The following ELOVL7 variants were observed in gnomAD, a reference collection of about 807,000 sequenced individuals.
The protein encoded by ELOVL7 is ELOVL fatty acid elongase 7, also known as very long chain fatty acid elongase 7.
A neutral mutation model predicts 35.7 loss-of-function variants in ELOVL7; 27 were observed. That is an observed-to-expected ratio of 0.76 (90% confidence interval 0.56 to 1.04). The LOEUF is 1.04. ELOVL7 is among the 50% of genes least tolerant of loss of function. ELOVL7 has a pLI of 0.00. For missense variants in ELOVL7, 327 were observed against 340.8 expected, an observed-to-expected ratio of 0.96 and a Z score of 0.32; for synonymous variants, 113 against 114.6, an observed-to-expected ratio of 0.99 and a Z score of 0.09.
chr5:60,800,515 A>C (rs1007058301), intron 1 of ELOVL7, among the ~76,000 whole-genome samples: 1 of 152,208 alleles, frequency 6.6e-6, no homozygotes, highest in Non-Finnish European at 1.5e-5. Flanking sequence ...CTAACATAAT[A>C]CTCAGCAGTA....
At chr5:60,776,272 C>G (rs1297498012) in intron 3 of ELOVL7, among the ~76,000 whole-genome samples, 1 of 152,184 alleles carries the variant, frequency 6.6e-6, no homozygotes, top group African/African-American at 2.4e-5. Context: ...TGCTTATACA[C>G]TGTTGGTGGA....
chr5:60,753,391 T>TA lies in ELOVL7; in HGVS notation c.*1232dup, dbSNP rs1323354055. 4 of 152,210 alleles carry TA rather than the reference T, an allele frequency of 2.6e-5. No individual in the cohort carries two copies. The highest frequency in any genetic ancestry group is 5.9e-5 in the Non-Finnish European group (4 of 68,032). The allele number at this position is 152,210 out of a possible 1,614,324, so 9.4% of individuals were successfully genotyped here. ...TTTCAGTCCTTCATTACATGGTTTA[T>TA]AGGTCTGGAAACAGAAATCCAGGTT... is the stretch of plus-strand genomic sequence containing the variant. On this transcript the variant is annotated 3_prime_UTR_variant, in exon 9 of 9. Transcript: ENST00000508821.
chr5:60,819,420 G>A (rs1324800105), intron 1 of ELOVL7, among the ~76,000 whole-genome samples: 1 of 152,048 alleles, frequency 6.6e-6, no homozygotes, highest in East Asian at 1.9e-4. Context: ...ATCTGACACT[G>A]GGCAAATTCA....
At chr5:60,759,613 T>TA (rs1194100662) in intron 7 of ELOVL7, among the ~76,000 whole-genome samples, 1 of 151,780 alleles carries the variant, frequency 6.6e-6, no homozygotes, top group South Asian at 2.1e-4. Context: ...ATTTTCTTTT[T>TA]TTTTTTAATT....
At chr5:60,780,084 A>C (rs1264320447) in intron 3 of ELOVL7, among the ~76,000 whole-genome samples, 1 of 150,742 alleles carries the variant, frequency 6.6e-6, no homozygotes, top group Admixed American at 6.6e-5. Flanking sequence ...AAAGTTATTC[A>C]ACAAGTCTCT....
At chr5:60,755,692 G>C (rs923964481) in intron 8 of ELOVL7, among the ~76,000 whole-genome samples, 1 of 152,012 alleles carries the variant, frequency 6.6e-6, no homozygotes, top group Admixed American at 6.6e-5. Flanking sequence ...AACTGAGGCA[G>C]AGAATCTACG....
At chr5:60,834,882 T>G (rs866376259) in intron 1 of ELOVL7, among the ~76,000 whole-genome samples, 26 of 151,754 alleles carry the variant, frequency 1.7e-4, no homozygotes, top group African/African-American at 5.8e-4. Flanking sequence ...AGGCATTAAT[T>G]CTCCAATTTT....
At chr5:60,805,134 C>T (rs953344923) in intron 1 of ELOVL7, among the ~76,000 whole-genome samples, 1 of 152,056 alleles carries the variant, frequency 6.6e-6, no homozygotes, top group Non-Finnish European at 1.5e-5. Flanking sequence ...TTCAACAGGG[C>T]AAAAATGTGC....
intron 1 of ELOVL7, among the ~76,000 whole-genome samples, chr5:60,837,225 G>A (rs888511453): frequency 6.7e-6 from 1 of 148,832 alleles, no homozygotes; most frequent in Non-Finnish European, 1.5e-5. Flanking sequence ...CCTGAGGTCG[G>A]GAGTCGAGAC....
intron 1 of ELOVL7, among the ~76,000 whole-genome samples, chr5:60,807,193 AC>A (rs1452743449): frequency 6.6e-6 from 1 of 152,134 alleles, no homozygotes; most frequent in African/African-American, 2.4e-5. Flanking sequence ...GGTGAATGGT[AC>A]AACAGGATTG....
rs192633968 is a variant in ELOVL7 at position 60,767,358 on chromosome 5, C to T, written c.336+465G>A. On this transcript the variant is annotated intron_variant, in intron 5 of 8. Coordinates refer to ENST00000508821, the MANE Select transcript of ELOVL7 (RefSeq NM_024930.3). The stretch of plus-strand genomic sequence containing the variant: ...ATCCACCCGCCTCAGCCTCCCAAAG[C>T]GCTAGGATTACAAGCGTAAGCCACT... Among the ~76,000 whole-genome samples the T allele has an allele frequency of 2.5e-3, 380 of 152,196 alleles. 3 individuals carry two copies. The highest frequency in any genetic ancestry group is 7.1e-3 in the African/African-American group (296 of 41,538).
intron 1 of ELOVL7, among the ~76,000 whole-genome samples, chr5:60,817,721 T>C (rs948575383): frequency 2.7e-5 from 2 of 74,356 alleles, no homozygotes; most frequent in Admixed American, 1.5e-4. Flanking sequence ...TATACACATA[T>C]GTATATACCA....
intron 1 of ELOVL7, among the ~76,000 whole-genome samples, chr5:60,828,574 T>C (rs375739690): frequency 6.6e-6 from 1 of 152,128 alleles, no homozygotes; most frequent in African/African-American, 2.4e-5. Flanking sequence ...CAGATCATAC[T>C]TTTTCCCTGC....
At chr5:60,790,548 T>C (rs754981306) in intron 2 of ELOVL7, among the ~76,000 whole-genome samples, 1 of 152,212 alleles carries the variant, frequency 6.6e-6, no homozygotes, top group African/African-American at 2.4e-5. Context: ...GGCCTCTGTA[T>C]TGATACACCC....
chr5:60,781,743 T>G (rs1301292475), intron 3 of ELOVL7, among the ~76,000 whole-genome samples: 1 of 152,216 alleles, frequency 6.6e-6, no homozygotes, highest in Admixed American at 6.5e-5. Flanking sequence ...AAATTCTATT[T>G]CAGCAAAACT....
chr5:60,804,406 C>T (rs1053831779), intron 1 of ELOVL7, among the ~76,000 whole-genome samples: 2 of 152,016 alleles, frequency 1.3e-5, no homozygotes, highest in African/African-American at 4.8e-5. Context: ...GTTGCCATCA[C>T]GTATAAGCTC....
At position 60,772,108 on chromosome 5, in the gene ELOVL7, A is replaced by G. The variant is rs750037066; in HGVS notation, c.65-15T>C. ...AACTCTTGGATCTAAGAGAAAAACA[A>G]TATGTGAGTACACACCTGCTTAGCC... On this transcript the variant is annotated splice_polypyrimidine_tract_variant and intron_variant, in intron 3 of 8. Transcript: ENST00000508821. 1 of 1,581,792 alleles carries G rather than the reference A, an allele frequency of 6.3e-7. No homozygotes were observed. The highest frequency in any genetic ancestry group is 8.6e-7 in the Non-Finnish European group (1 of 1,160,834).
In ELOVL7 at chr5:60,835,570, C is replaced by A. The variant is rs1003953721; in HGVS notation, c.-86+8590G>T. On this transcript the variant is annotated intron_variant, in intron 1 of 8. Transcript: ENST00000508821. ...AGGACTACAGACGCATGCCACCACA[C>A]CCAGTTATTTTTTAAATTTTTTGTA... 6.8e-4 allele frequency among the ~76,000 whole-genome samples: 104 copies of A among 151,946 alleles called. 1 individual carries two copies. Among genetic ancestry groups the A allele is most frequent in the African/African-American group, 2.4e-3 (99 of 41,272 alleles).
At chr5:60,810,981 A>C (rs938009133) in intron 1 of ELOVL7, among the ~76,000 whole-genome samples, 1 of 152,182 alleles carries the variant, frequency 6.6e-6, no homozygotes, top group South Asian at 2.1e-4. Context: ...GTAAGTAAAT[A>C]AGGTATATTT....
Sources: gnomAD v4.1 joint callset for allele counts (sites outside exome capture counted in the v4.1 genomes callset) on GRCh38, gnomAD v4.1.1 for gene constraint, MANE v1.5 for transcripts, NCBI Gene and HGNC (gene_info 2026-07-23, HGNC 2026-07-21) for gene names.